Variants in MMP12 observed in about 807,000 individuals in gnomAD.
The protein encoded by MMP12 is matrix metallopeptidase 12.
Under a neutral mutation model 45.2 loss-of-function variants are expected in MMP12, and 51 were observed. The observed-to-expected ratio is 1.13, with a 90% CI of 0.90 to 1.42. The LOEUF (loss-of-function observed/expected upper bound fraction) is 1.42. MMP12 is among the 40% of genes most tolerant of loss of function. The probability of loss-of-function intolerance (pLI) is 0.00; values close to 1 mark genes in which losing one functional copy is unlikely to be tolerated. For synonymous variants in MMP12, 210 were observed against 193.3 expected (o/e 1.09, Z -0.72); for missense variants, 530 against 570.8 (o/e 0.93, Z 0.73).
intron 8 of MMP12, among the ~76,000 whole-genome samples, chr11:102,864,976 T>C (rs1462110124): frequency 1.3e-5 from 2 of 152,328 alleles, no homozygotes; most frequent in African/African-American, 4.8e-5. Context: ...ATGTTCATAA[T>C]AACAGGCTAC....
intron 4 of MMP12, among the ~76,000 whole-genome samples, chr11:102,868,301 G>A (rs1418837365): frequency 3.9e-5 from 6 of 152,108 alleles, no homozygotes; most frequent in African/African-American, 1.2e-4. Flanking sequence ...AATGCAAGTA[G>A]CAAATCCTTT....
chr11:102,870,104 T>A (rs1859466005), intron 4 of MMP12, among the ~76,000 whole-genome samples: 1 of 152,206 alleles, frequency 6.6e-6, no homozygotes, highest in Admixed American at 6.5e-5. Flanking sequence ...CTGGCCCAGC[T>A]TTTCCACAAA....
intron 4 of MMP12, among the ~76,000 whole-genome samples, chr11:102,868,366 A>G (rs553718068): frequency 1.2e-4 from 19 of 152,292 alleles, no homozygotes; most frequent in African/African-American, 4.6e-4. Flanking sequence ...CTCCTTGGGG[A>G]CAAAATTGCC....
At chr11:102,868,513 T>A (rs1859437660) in intron 4 of MMP12, among the ~76,000 whole-genome samples, 1 of 152,242 alleles carries the variant, frequency 6.6e-6, no homozygotes, top group African/African-American at 2.4e-5. Context: ...AATTCTATTT[T>A]TAGTCTTCAT....
In MMP12 at chr11:102,872,894, G is replaced by T; in HGVS notation, c.321C>A (p.Pro107=). The T allele has an allele frequency of 6.2e-7, 1 of 1,613,688 alleles. No individual in the cohort carries two copies. The change falls in exon 2 of 10, where the codon CCC becomes CCA. Residue 107 remains proline (P), a synonymous_variant. Coordinates refer to ENST00000571244, the MANE Select transcript of MMP12 (RefSeq NM_002426.6). Reference sequence around the variant, plus strand: ...AGGTGATATAATGTTTCCTCCATACGGGCCCCCCTGGCATTTCCCTGAAAT... The same window carrying T: ...AGGTGATATAATGTTTCCTCCATACTGGCCCCCCTGGCATTTCCCTGAAAT... The part of the protein sequence containing the change: ...VHHFREMPGG[P]VWRKHYITYR...
Position 102,867,281 on chromosome 11 carries a change from G to T in MMP12, c.900C>A (p.Phe300Leu), listed in dbSNP as rs782592144. Residue 300 changes from phenylalanine to leucine, a missense_variant, in exon 6 of 10, where the codon TTC becomes TTA. Phe to Leu is a conservative substitution (Grantham distance 22). Coordinates refer to ENST00000571244, the MANE Select transcript of MMP12 (RefSeq NM_002426.6). ...AVTTVGNKIFFFKDRFFWLKV... is the reference protein window; with the variant it reads ...AVTTVGNKIFLFKDRFFWLKV... ...GAAAATGATCCTACCTGTCTTTGAAGAAAAAGATCTTATTTCCCACGGTAG... is the reference window on the plus strand; with the variant it reads ...GAAAATGATCCTACCTGTCTTTGAATAAAAAGATCTTATTTCCCACGGTAG... The T allele has an allele frequency of 6.3e-7, 1 of 1,597,864 alleles. No homozygotes were observed. The highest frequency in any genetic ancestry group is 8.5e-7 in the Non-Finnish European group (1 of 1,172,698).
At position 102,872,975 on chromosome 11, in the gene MMP12, G is replaced by A. The variant is rs1555009619; in HGVS notation, c.240C>T (p.Asp80=). ...FLGLKVTGQL[D]TSTLEMMHAP... ...CGTGCATCATCTCCAGGGTAGATGTGTCCAGTTGCCCGGTCACTTTCAGAC... is the reference window on the plus strand; with the variant it reads ...CGTGCATCATCTCCAGGGTAGATGTATCCAGTTGCCCGGTCACTTTCAGAC... Residue 80 remains aspartate (D), a synonymous_variant, in exon 2 of 10, where the codon GAC becomes GAT. Transcript: ENST00000571244. 6.2e-7 allele frequency: 1 copy of A among 1,613,648 alleles called. No individual in the cohort carries two copies. Among genetic ancestry groups the A allele is most frequent in the Non-Finnish European group, 8.5e-7 (1 of 1,179,764 alleles).
chr11:102,874,901 C>T lies in MMP12; in HGVS notation c.37G>A (p.Ala13Thr). 1 of 1,604,844 alleles carries T rather than the reference C, an allele frequency of 6.2e-7. No homozygotes were observed. The highest frequency in any genetic ancestry group is 8.5e-7 in the Non-Finnish European group (1 of 1,175,430). ...FLLILLLQAT[A>T]SGALPLNSST... ...CTGTTCAGGGGAAGAGCTCCAGAAG[C>T]AGTGGCCTGCAGGAGCAGTATTAGA... The change falls in exon 1 of 10, where the codon GCT becomes ACT. Residue 13 changes from alanine (A) to threonine (T), a missense_variant. By Grantham distance (58) the Ala-to-Thr change is moderately conservative (BLOSUM62 0). Transcript: ENST00000571244.
chr11:102,871,953 C>G lies in MMP12; in HGVS notation c.351-1G>C, dbSNP rs1195537967. ...CATGTCAGGTGTGTAATTATTGATT[C>G]TTTATCAGCAAAAAGAGAGAGAAAA... On this transcript the variant is annotated splice_acceptor_variant, in intron 2 of 9. Coordinates refer to ENST00000571244, the MANE Select transcript of MMP12 (RefSeq NM_002426.6). LOFTEE classifies it high-confidence loss of function. The G allele has an allele frequency of 3.1e-6, 5 of 1,600,000 alleles. No individual in the cohort carries two copies. The highest frequency in any genetic ancestry group is 4.3e-6 in the Non-Finnish European group (5 of 1,175,138).
chr11:102,872,630 C>A (rs965910779), intron 2 of MMP12, among the ~76,000 whole-genome samples: 2 of 152,268 alleles, frequency 1.3e-5, no homozygotes, highest in South Asian at 4.1e-4. Context: ...CGTGAGCCAC[C>A]GTGCCTGGCC....
intron 6 of MMP12, among the ~76,000 whole-genome samples, chr11:102,866,886 A>G (rs1210898692): frequency 3.9e-5 from 6 of 152,144 alleles, no homozygotes; most frequent in South Asian, 2.1e-4. Context: ...AAGAAACCAT[A>G]AGTTATCCTG....
Position 102,864,135 on chromosome 11 carries a change from C to G in MMP12, c.1312+11G>C, listed in dbSNP as rs782321983. The G allele has an allele frequency of 2.6e-6, 4 of 1,536,162 alleles. No homozygotes were observed. In the Admixed American group the frequency reaches 6.7e-5, roughly 26 times the overall value. On this transcript the variant is annotated intron_variant, in intron 9 of 9. Transcript: ENST00000571244. The stretch of plus-strand genomic sequence containing the variant: ...ATTTCCAGTATCTTCATGGTTTCCT[C>G]ATCTACTTACTGTTTTTAGAGTAGA...
Position 102,867,295 on chromosome 11 carries a change from T to A in MMP12, c.886A>T (p.Asn296Tyr). The A allele has an allele frequency of 6.2e-7, 1 of 1,604,300 alleles. No individual in the cohort carries two copies. The highest frequency in any genetic ancestry group is 1.1e-5 in the South Asian group (1 of 88,650). The change falls in exon 6 of 10, where the codon AAT (asparagine) becomes TAT (tyrosine). Residue 296 changes from asparagine (N) to tyrosine (Y), a missense_variant. Physicochemically the swap from Asn to Tyr is moderately radical, Grantham distance 143. Transcript: ENST00000571244. The stretch of plus-strand genomic sequence containing the variant: ...CTGTCTTTGAAGAAAAAGATCTTAT[T>A]TCCCACGGTAGTGACAGCATCAAAA... ...LSFDAVTTVG[N>Y]KIFFFKDRFF...
chr11:102,871,670 A>C lies in MMP12; in HGVS notation c.549T>G (p.His183Gln). ...CAATGCCAGATCCAGGTCCAAAAGC[A>C]TGGGCTAGGATTCCACCTTTGCCAT... ...AFDGKGGILAHAFGPGSGIGG... is the reference protein window; with the variant it reads ...AFDGKGGILAQAFGPGSGIGG... The change falls in exon 4 of 10, where the codon CAT (histidine) becomes CAG (glutamine). Residue 183 changes from histidine (H) to glutamine (Q), a missense_variant. Physicochemically the swap from His to Gln is conservative, Grantham distance 24. Coordinates refer to ENST00000571244, the MANE Select transcript of MMP12 (RefSeq NM_002426.6). 1 of 1,600,120 alleles carries C rather than the reference A, an allele frequency of 6.2e-7. No homozygotes were observed. Among genetic ancestry groups the C allele is most frequent in the South Asian group, 1.1e-5 (1 of 88,504 alleles).
chr11:102,866,352 A>G lies in MMP12; in HGVS notation c.1008T>C (p.Tyr336=). ...PTLPSGIEAA[Y]EIEARNQVFL... is the part of the protein sequence containing the mutation. ...AAACTTGATTTCTGGCTTCAATTTCATAAGCAGCTTCAATGCCAGATGGCA... is the reference window on the plus strand; with the variant it reads ...AAACTTGATTTCTGGCTTCAATTTCGTAAGCAGCTTCAATGCCAGATGGCA... Residue 336 remains tyrosine (Y), a synonymous_variant, in exon 7 of 10, where the codon TAT becomes TAC. Transcript: ENST00000571244. 2.5e-6 allele frequency: 4 copies of G among 1,597,016 alleles called. No homozygotes were observed. Among genetic ancestry groups the G allele is most frequent in the Non-Finnish European group, 3.4e-6 (4 of 1,171,564 alleles).
In MMP12 at chr11:102,865,873, A is replaced by G. The variant is rs1555008444; in HGVS notation, c.1108T>C (p.Ser370Pro). The G allele has an allele frequency of 1.9e-6, 3 of 1,612,758 alleles. No individual in the cohort carries two copies. Among genetic ancestry groups the G allele is most frequent in the Non-Finnish European group, 2.5e-6 (3 of 1,179,088 alleles). The change falls in exon 8 of 10, where the codon TCT becomes CCT. Residue 370 changes from serine (S) to proline (P), a missense_variant. By Grantham distance (74) the Ser-to-Pro change is moderately conservative (BLOSUM62 -1). Coordinates refer to ENST00000571244, the MANE Select transcript of MMP12 (RefSeq NM_002426.6). This position sits in a 1 kb window ranked among gnomAD's most constrained non-coding sequence, Gnocchi z 4.1. ...PEPNYPKSIHSFGFPNFVKKI... is the reference protein window; with the variant it reads ...PEPNYPKSIHPFGFPNFVKKI... Reference sequence around the variant, plus strand: ...TTCACAAAGTTAGGAAAACCAAAAGAATGTATGCTCTTGGGATAATTTGGC... The same window carrying G: ...TTCACAAAGTTAGGAAAACCAAAAGGATGTATGCTCTTGGGATAATTTGGC...
At position 102,866,342 on chromosome 11, in the gene MMP12, C is replaced by T. The variant is rs1565232703; in HGVS notation, c.1018G>A (p.Ala340Thr). The T allele has an allele frequency of 6.3e-7, 1 of 1,590,812 alleles. No homozygotes were observed. Among genetic ancestry groups the T allele is most frequent in the African/African-American group, 1.3e-5 (1 of 74,466 alleles). The change falls in exon 7 of 10, where the codon GCC becomes ACC. Residue 340 changes from alanine (A) to threonine (T), a missense_variant. Transcript: ENST00000571244. Reference protein sequence around the residue: ...SGIEAAYEIEARNQVFLFKDD... With the variant: ...SGIEAAYEIETRNQVFLFKDD... ...TTAAAAAGAAAAACTTGATTTCTGG[C>T]TTCAATTTCATAAGCAGCTTCAATG...
Position 102,864,144 on chromosome 11 carries a change from A to G in MMP12, c.1312+2T>C, listed in dbSNP as rs782154402. 6.3e-7 allele frequency: 1 copy of G among 1,577,050 alleles called. No individual in the cohort carries two copies. Among genetic ancestry groups the G allele is most frequent in the Non-Finnish European group, 8.7e-7 (1 of 1,146,464 alleles). ...ATCTTCATGGTTTCCTCATCTACTT[A>G]CTGTTTTTAGAGTAGAAGACTGCAT... On this transcript the variant is annotated splice_donor_variant, in intron 9 of 9. Transcript: ENST00000571244. LOFTEE classifies it high-confidence loss of function.
rs199854353 is a variant in MMP12, at chr11:102,866,344, T to G, written c.1016A>C (p.Glu339Ala). The G allele has an allele frequency of 1.0e-5, 16 of 1,592,202 alleles. No homozygotes were observed. Among genetic ancestry groups the G allele is most frequent in the Middle Eastern group, 1.7e-4 (1 of 6,036 alleles). ...PSGIEAAYEI[E>A]ARNQVFLFKD... Reference sequence around the variant, plus strand: ...AAAAAGAAAAACTTGATTTCTGGCTTCAATTTCATAAGCAGCTTCAATGCC... The same window carrying G: ...AAAAAGAAAAACTTGATTTCTGGCTGCAATTTCATAAGCAGCTTCAATGCC... Residue 339 changes from glutamate (E) to alanine (A), a missense_variant, in exon 7 of 10, where the codon GAA becomes GCA. Coordinates refer to ENST00000571244, the MANE Select transcript of MMP12 (RefSeq NM_002426.6).
Sources: gnomAD v4.1 joint callset for allele counts (sites outside exome capture counted in the v4.1 genomes callset) on GRCh38, gnomAD v4.1.1 for gene constraint, Gnocchi (gnomAD v3.1) non-coding constraint, MANE v1.5 for transcripts, NCBI Gene and HGNC (gene_info 2026-07-23, HGNC 2026-07-21) for gene names.